The following ADGRD1 variants were observed in gnomAD, a reference collection of about 807,000 sequenced individuals.
ADGRD1 encodes the protein adhesion G protein-coupled receptor D1, also known as G-protein coupled receptor 133.
ADGRD1 carries 77 observed loss-of-function variants against 113.4 expected under a neutral mutation model. The ratio of observed to expected loss-of-function variants is 0.68; its 90% confidence interval spans 0.57 to 0.82. ADGRD1 has a LOEUF of 0.82. ADGRD1 is among the 40% of genes least tolerant of loss of function. The pLI, the probability that ADGRD1 is intolerant of heterozygous loss-of-function variation, is 0.00. For missense variants in ADGRD1, 1,036 were observed against 1,139.1 expected (o/e 0.91, Z 1.30); for synonymous variants, 474 against 475.0 (o/e 1.00, Z 0.03).
Position 131,139,308 on chromosome 12 carries a change from C to A in ADGRD1, c.*45C>A. On this transcript the variant is annotated 3_prime_UTR_variant, in exon 25 of 25. Coordinates refer to ENST00000261654, the MANE Select transcript of ADGRD1 (RefSeq NM_198827.5). The stretch of plus-strand genomic sequence containing the variant: ...GGCCAGGCTGCGCTCAGAACACACC[C>A]CCCCAAACAGAATGAAATGCCCCAC... 7.6e-7 allele frequency: 1 copy of A among 1,313,190 alleles called. No homozygotes were observed. Among genetic ancestry groups the A allele is most frequent in the Non-Finnish European group, 1.1e-6 (1 of 923,170 alleles). 81.3% of individuals were successfully genotyped at this position (1,313,190 alleles called of 1,614,324 possible).
At chr12:130,999,327 C>T (rs1024117262) in intron 8 of ADGRD1, among the ~76,000 whole-genome samples, 15 of 152,266 alleles carry the variant, frequency 9.9e-5, no homozygotes, top group East Asian at 7.7e-4. Context: ...GGCCTGACCT[C>T]GTTCCTGTGT....
chr12:130,983,279 G>A (rs1008893294), intron 5 of ADGRD1, among the ~76,000 whole-genome samples: 5 of 152,090 alleles, frequency 3.3e-5, no homozygotes, highest in Non-Finnish European at 7.3e-5. Context: ...GTGGATGCTC[G>A]GTGTGCTCGG....
At chr12:131,023,058 T>C (rs1205383585) in intron 13 of ADGRD1, 1 of 152,224 alleles carries the variant, frequency 6.6e-6, no homozygotes, top group Non-Finnish European at 1.5e-5. Context: ...TCAATAATTT[T>C]ATTTGTATAA....
rs899724386 is a variant in ADGRD1 at position 130,954,652 on chromosome 12, A to G, written c.95A>G (p.Asp32Gly). 4 of 1,613,152 alleles carry G rather than the reference A, an allele frequency of 2.5e-6. No individual in the cohort carries two copies. The highest frequency in any genetic ancestry group is 3.4e-6 in the Non-Finnish European group (4 of 1,179,886). Reference sequence around the variant, plus strand: ...CGTGGCGTCTACTCCAGATCGCAGGACCATCCAGGTAAGAGTGTTTCCTTC... The same window carrying G: ...CGTGGCGTCTACTCCAGATCGCAGGGCCATCCAGGTAAGAGTGTTTCCTTC... ...QVRGVYSRSQ[D>G]HPGFQVLASA... Residue 32 changes from aspartate to glycine, a missense_variant, in exon 2 of 25, where the codon GAC becomes GGC. Physicochemically the swap from Asp to Gly is moderately conservative, Grantham distance 94 (BLOSUM62 -1). Coordinates refer to ENST00000261654, the MANE Select transcript of ADGRD1 (RefSeq NM_198827.5). This position sits in a 1 kb window ranked among gnomAD's most constrained non-coding sequence, Gnocchi z 4.7.
intron 12 of ADGRD1, among the ~76,000 whole-genome samples, chr12:131,013,018 A>C (rs2136805610): frequency 6.6e-6 from 1 of 152,340 alleles, no homozygotes; most frequent in South Asian, 2.1e-4. Context: ...CAAATCAGGC[A>C]AATGGGCTGA....
chr12:130,992,748 G>T (rs1335381797), intron 8 of ADGRD1, among the ~76,000 whole-genome samples: 1 of 152,274 alleles, frequency 6.6e-6, no homozygotes, highest in East Asian at 1.9e-4. Context: ...AGGCCTCACT[G>T]GCAGATCCAG....
intron 8 of ADGRD1, among the ~76,000 whole-genome samples, chr12:130,996,846 C>T (rs1307024053): frequency 1.7e-5 from 2 of 121,150 alleles, no homozygotes; most frequent in Non-Finnish European, 1.8e-5. Flanking sequence ...GACCCCCCCA[C>T]CTCCCTCCCG....
At chr12:131,021,089 GA>G (rs34277732) in intron 13 of ADGRD1, among the ~76,000 whole-genome samples, 91,845 of 151,998 alleles carry the variant, frequency 0.6, 28,287 homozygotes, top group East Asian at 0.78. Flanking sequence ...TAAAGTTACA[GA>G]AAAAAAATGT....
intron 19 of ADGRD1, among the ~76,000 whole-genome samples, chr12:131,118,742 G>C (rs1207406621): frequency 6.6e-6 from 1 of 152,206 alleles, no homozygotes; most frequent in Non-Finnish European, 1.5e-5. Context: ...TCACCCACGT[G>C]GTCTTCTCAG....
chr12:131,114,898 A>C (rs545886377), intron 18 of ADGRD1, among the ~76,000 whole-genome samples: 2 of 152,332 alleles, frequency 1.3e-5, no homozygotes, highest in Non-Finnish European at 2.9e-5. Flanking sequence ...TCACTGAAGC[A>C]GACAAGAAAC....
At chr12:130,969,798 C>T (rs2136524863) in intron 3 of ADGRD1, 1 of 152,386 alleles carries the variant, frequency 6.6e-6, no homozygotes, top group South Asian at 2.1e-4. Flanking sequence ...CTGGGGACCA[C>T]TGCACTAGAA....
In ADGRD1 at chr12:130,992,171, T is replaced by C. The variant is rs1272476132; in HGVS notation, c.811-66T>C. The stretch of plus-strand genomic sequence containing the variant: ...AGCATTCGACCCAGAGTAGGACACA[T>C]TAAACTTCTGTATAATATTTTGGTT... On this transcript the variant is annotated intron_variant, in intron 7 of 24. Coordinates refer to ENST00000261654, the MANE Select transcript of ADGRD1 (RefSeq NM_198827.5). 2.4e-6 allele frequency: 3 copies of C among 1,257,724 alleles called. No homozygotes were observed. The African/African-American group carries it at 4.5e-5, about 19-fold the overall frequency. 77.9% of individuals were successfully genotyped at this position (1,257,724 alleles called of 1,614,324 possible). A position where few individuals can be genotyped will look rare whatever the true frequency, so the allele number is the denominator to read the frequency against.
At chr12:131,138,074 T>G in intron 23 of ADGRD1, 63 bp from the exon 24 acceptor site, 2 of 1,360,856 alleles carry the variant, frequency 1.5e-6, no homozygotes, top group Admixed American at 3.4e-5. Flanking sequence ...CGGCACAGAC[T>G]CCTCTGGTTA....
At position 131,041,683 on chromosome 12, in the gene ADGRD1, A is replaced by G. The variant is rs1218587663; in HGVS notation, c.1473+27343A>G. ...TCCACTCAGGGACACCAGGTGCCAG[A>G]GTGGACATGTCATGCATGAATCAGG... On this transcript the variant is annotated intron_variant, in intron 13 of 24. Transcript: ENST00000261654. The surrounding 1 kb of genome is among the most constrained non-coding windows in gnomAD (Gnocchi z 4.4). 3.3e-5 allele frequency among the ~76,000 whole-genome samples: 5 copies of G among 152,190 alleles called. No homozygotes were observed. Among genetic ancestry groups the G allele is most frequent in the Admixed American group, 6.5e-5 (1 of 15,288 alleles).
At chr12:130,959,037 T>C (rs1445227213) in intron 2 of ADGRD1, among the ~76,000 whole-genome samples, 4 of 152,066 alleles carry the variant, frequency 2.6e-5, no homozygotes, top group African/African-American at 4.8e-5. Flanking sequence ...CAGACAGAGA[T>C]TCTTGGAAAA....
chr12:130,977,990 C>T (rs1872529868), intron 4 of ADGRD1: 1 of 152,506 alleles, frequency 6.6e-6, no homozygotes, highest in African/African-American at 2.4e-5. Context: ...CCTGACTCGT[C>T]CCAGACCAGC....
At chr12:131,078,144 G>A (rs1037080573) in intron 14 of ADGRD1, among the ~76,000 whole-genome samples, 3 of 152,212 alleles carry the variant, frequency 2.0e-5, no homozygotes, top group Non-Finnish European at 1.5e-5. Flanking sequence ...TATGGTCCCC[G>A]TCAGAGAAAG....
Position 131,006,022 on chromosome 12 carries a change from A to G in ADGRD1, c.1306A>G (p.Asn436Asp). Residue 436 changes from asparagine (N) to aspartate (D), a missense_variant, in exon 12 of 25, where the codon AAC becomes GAC. Asn to Asp is a conservative substitution (Grantham distance 23). Transcript: ENST00000261654. ...GTACCACAGCATGCACTACTACCTGAACAACATCTGGCCCGCCCACACCAA... is the reference window on the plus strand; with the variant it reads ...GTACCACAGCATGCACTACTACCTGGACAACATCTGGCCCGCCCACACCAA... ...LLYHSMHYYL[N>D]NIWPAHTKIA... 6.2e-7 allele frequency: 1 copy of G among 1,611,252 alleles called. No homozygotes were observed. The highest frequency in any genetic ancestry group is 8.5e-7 in the Non-Finnish European group (1 of 1,179,842).
At chr12:131,102,521 C>T (rs1950112224) in intron 15 of ADGRD1, among the ~76,000 whole-genome samples, 1 of 152,188 alleles carries the variant, frequency 6.6e-6, no homozygotes, top group African/African-American at 2.4e-5. Flanking sequence ...CCGGGAGGCC[C>T]CTGTTCGCCC....
Sources: gnomAD v4.1 joint callset for allele counts (sites outside exome capture counted in the v4.1 genomes callset) on GRCh38, gnomAD v4.1.1 for gene constraint, Gnocchi (gnomAD v3.1) non-coding constraint, MANE v1.5 for transcripts, NCBI Gene and HGNC (gene_info 2026-07-23, HGNC 2026-07-21) for gene names.